PKIG: variants seen among roughly 807,000 people sequenced by gnomAD.
The protein encoded by PKIG is protein kinase (cAMP-dependent, catalytic) inhibitor gamma.
In PKIG, 1 loss-of-function variant was observed where a neutral mutation model predicts 6.8. The ratio of observed to expected loss-of-function variants is 0.15; its 90% CI spans 0.05 to 0.69. The LOEUF is 0.69. PKIG is among the 30% of genes least tolerant of loss of function. The probability of loss-of-function intolerance (pLI) is 0.82; values close to 1 mark genes in which losing one functional copy is unlikely to be tolerated. For missense variants in PKIG, 77 were observed against 104.0 expected, an observed-to-expected ratio of 0.74 and a Z score of 1.13; for synonymous variants, 39 against 43.0, an observed-to-expected ratio of 0.91 and a Z score of 0.36.
chr20:44,541,285 T>TTTTTG (rs989436360), intron 1 of PKIG, among the ~76,000 whole-genome samples: 2 of 152,150 alleles, frequency 1.3e-5, no homozygotes, highest in East Asian at 1.9e-4. Context: ...ACTATGGGTT[T>TTTTTG]TTTTGTTTTG....
chr20:44,593,185 C>G (rs2065047402), intron 2 of PKIG, among the ~76,000 whole-genome samples: 1 of 151,742 alleles, frequency 6.6e-6, no homozygotes, highest in African/African-American at 2.4e-5. Flanking sequence ...CAAAAAGTAG[C>G]TGGGCATGGT....
At chr20:44,538,237 G>A (rs557059314) in intron 1 of PKIG, among the ~76,000 whole-genome samples, 1 of 152,160 alleles carries the variant, frequency 6.6e-6, no homozygotes, top group Non-Finnish European at 1.5e-5. Flanking sequence ...TAGCTCTGCA[G>A]TTTAGAAGAG....
At chr20:44,617,765 C>T (rs762644085) in intron 3 of PKIG, among the ~76,000 whole-genome samples, 31 of 152,106 alleles carry the variant, frequency 2.0e-4, no homozygotes, top group Non-Finnish European at 4.0e-4. Flanking sequence ...AGAACATTGG[C>T]CGGGCACGGT....
chr20:44,610,488 T>TC (rs1249840885), intron 2 of PKIG, among the ~76,000 whole-genome samples: 34 of 114,080 alleles, frequency 3.0e-4, no homozygotes, highest in Middle Eastern at 4.1e-3. Context: ...CTCTCTCTTC[T>TC]CTCTCTCTCT....
chr20:44,574,291 C>T (rs540680031), intron 1 of PKIG, among the ~76,000 whole-genome samples: 66 of 152,252 alleles, frequency 4.3e-4, no homozygotes, highest in Middle Eastern at 3.4e-3. Context: ...TCCTTTTAGG[C>T]GTTTGATCTA....
At chr20:44,532,205 C>T (rs369411679) in intron 1 of PKIG, among the ~76,000 whole-genome samples, 1 of 152,098 alleles carries the variant, frequency 6.6e-6, no homozygotes, top group African/African-American at 2.4e-5. Flanking sequence ...AGCCATTGGT[C>T]GACCTCATTC....
intron 2 of PKIG, among the ~76,000 whole-genome samples, chr20:44,605,160 C>T (rs1385759367): frequency 6.6e-6 from 1 of 151,708 alleles, no homozygotes; most frequent in African/African-American, 2.4e-5. Flanking sequence ...AATCCCAGCA[C>T]TTTGGGAGGC....
chr20:44,583,396 T>A (rs1225524063), intron 1 of PKIG, among the ~76,000 whole-genome samples: 1 of 152,238 alleles, frequency 6.6e-6, no homozygotes, highest in Admixed American at 6.5e-5. Context: ...GGCATTTTAT[T>A]TGTTGGTATC....
chr20:44,560,722 T>C (rs2064759143), intron 1 of PKIG, among the ~76,000 whole-genome samples: 1 of 152,138 alleles, frequency 6.6e-6, no homozygotes, highest in South Asian at 2.1e-4. Context: ...AGCTTCTAGG[T>C]GTAGGGAATG....
intron 2 of PKIG, among the ~76,000 whole-genome samples, chr20:44,607,624 G>A (rs555944575): frequency 4.3e-4 from 64 of 150,066 alleles, no homozygotes; most frequent in East Asian, 1.8e-3. Context: ...TGATCCACCC[G>A]CCTCAGCCTC....
At chr20:44,559,286 T>G (rs2064746047) in intron 1 of PKIG, among the ~76,000 whole-genome samples, 1 of 152,214 alleles carries the variant, frequency 6.6e-6, no homozygotes, top group Admixed American at 6.5e-5. Context: ...ATCTATTGGT[T>G]GCTTAAAAAA....
intron 1 of PKIG, among the ~76,000 whole-genome samples, chr20:44,572,794 G>T (rs1189751301): frequency 1.3e-5 from 2 of 152,068 alleles, no homozygotes; most frequent in Non-Finnish European, 2.9e-5. Context: ...CCCAAATTTT[G>T]GGCTGCTTCT....
At chr20:44,593,301 T>C (rs1191860751) in intron 2 of PKIG, among the ~76,000 whole-genome samples, 2 of 149,448 alleles carry the variant, frequency 1.3e-5, no homozygotes, top group Non-Finnish European at 3.0e-5. Flanking sequence ...GCCACTGTAC[T>C]CCAGCCTGGC....
At chr20:44,588,457 C>T (rs940849953) in intron 1 of PKIG, among the ~76,000 whole-genome samples, 4 of 151,866 alleles carry the variant, frequency 2.6e-5, no homozygotes, top group Non-Finnish European at 5.9e-5. Context: ...GCCTGGCCAA[C>T]ATGGTGAAAC....
At chr20:44,584,128 C>G (rs1314531979) in intron 1 of PKIG, among the ~76,000 whole-genome samples, 1 of 152,076 alleles carries the variant, frequency 6.6e-6, no homozygotes, top group African/African-American at 2.4e-5. Flanking sequence ...CAGTATTATT[C>G]CCTAACCCCA....
chr20:44,532,679 A>G (rs1387561943), intron 1 of PKIG, among the ~76,000 whole-genome samples: 4 of 152,188 alleles, frequency 2.6e-5, no homozygotes, highest in Non-Finnish European at 1.5e-5. Flanking sequence ...GTTAACCTGG[A>G]TTTCTGGAGG....
rs1200811486 is a variant in PKIG, at chr20:44,609,831, G to A, written c.-23-4703G>A. On this transcript the variant is annotated intron_variant, in intron 2 of 3. Coordinates refer to ENST00000372886, the MANE Select transcript of PKIG (RefSeq NM_001281445.2). ...GGTGGGGCTGAGGCCCTTCTGAGCC[G>A]TGGCTGTAAACCGGCCTCACTCACC... Among the ~76,000 whole-genome samples, 8 of 152,218 alleles carry A rather than the reference G, an allele frequency of 5.3e-5. 1 individual carries two copies. The highest frequency in any genetic ancestry group is 4.6e-4 in the Admixed American group (7 of 15,276).
chr20:44,599,108 A>G (rs1206986966), intron 2 of PKIG, among the ~76,000 whole-genome samples: 1 of 152,168 alleles, frequency 6.6e-6, no homozygotes, highest in South Asian at 2.1e-4. Flanking sequence ...GCCTTGTACT[A>G]TGTTTTCCAG....
intron 2 of PKIG, among the ~76,000 whole-genome samples, chr20:44,610,500 T>TCTCACACACACACACACACACACA (rs1555841182): frequency 3.6e-4 from 49 of 135,454 alleles, no homozygotes; most frequent in African/African-American, 7.9e-4. Flanking sequence ...TCTCTCTCTC[T>TCTCACACACACACACACACACACA]CACACACACA....
Sources: gnomAD v4.1 joint callset for allele counts (sites outside exome capture counted in the v4.1 genomes callset) on GRCh38, gnomAD v4.1.1 for gene constraint, MANE v1.5 for transcripts, NCBI Gene and HGNC (gene_info 2026-07-23, HGNC 2026-07-21) for gene names.